KLF17: variants seen among roughly 807,000 people sequenced by gnomAD.
KLF17 encodes KLF transcription factor 17, also known as Krueppel-like factor 17.
A neutral mutation model predicts 34.2 loss-of-function variants in KLF17; 31 were observed. That is an observed-to-expected ratio of 0.91 (90% confidence interval 0.68 to 1.22). KLF17 has a LOEUF of 1.22. Among genes scored for constraint, KLF17 ranks in the 50% most tolerant of loss-of-function variants. KLF17 has a pLI of 0.00. For synonymous variants in KLF17, 179 were observed against 186.7 expected (o/e 0.96, Z 0.34); for missense variants, 478 against 505.2 (o/e 0.95, Z 0.52).
chr1:44,084,266 C>T, the KLF17 span, among the ~76,000 whole-genome samples: 1 of 152,118 alleles, frequency 6.6e-6, no homozygotes, highest in Non-Finnish European at 1.5e-5. Flanking sequence ...GTGGTGTGAG[C>T]AGTGATGGGA....
intron 3 of KLF17, among the ~76,000 whole-genome samples, chr1:44,131,547 C>T (rs1210581421): frequency 2.6e-5 from 4 of 152,198 alleles, no homozygotes; most frequent in Non-Finnish European, 4.4e-5. Context: ...AGACGTGGCA[C>T]ATATACTGCA....
At chr1:44,085,095 T>C in the KLF17 span, among the ~76,000 whole-genome samples, 1 of 151,276 alleles carries the variant, frequency 6.6e-6, no homozygotes, top group Non-Finnish European at 1.5e-5. Flanking sequence ...TATATATATG[T>C]ATATATATAT....
At chr1:44,048,265 C>T in the KLF17 span, 2 of 152,208 alleles carry the variant, frequency 1.3e-5, no homozygotes, top group African/African-American at 4.8e-5. Flanking sequence ...GCCAGTAACT[C>T]TCCCAACAGA....
At chr1:44,082,236 T>C in the KLF17 span, among the ~76,000 whole-genome samples, 16 of 152,188 alleles carry the variant, frequency 1.1e-4, no homozygotes, top group Admixed American at 1.0e-3. Flanking sequence ...TCTAATTGGG[T>C]AATTGAGCAA....
chr1:44,085,795 ACT>A, the KLF17 span, among the ~76,000 whole-genome samples: 17 of 110,982 alleles, frequency 1.5e-4, no homozygotes, highest in South Asian at 5.9e-3. Flanking sequence ...TAAAATTGAG[ACT>A]CTGTCTCAAC....
the KLF17 span, among the ~76,000 whole-genome samples, chr1:44,071,073 T>C: frequency 0.13 from 19,696 of 152,148 alleles, 1,469 homozygotes; most frequent in African/African-American, 0.21. Flanking sequence ...GACACCATCA[T>C]GTCCTAACTG....
chr1:44,053,030 G>T, the KLF17 span, among the ~76,000 whole-genome samples: 14 of 151,822 alleles, frequency 9.2e-5, no homozygotes, highest in East Asian at 1.2e-3. Context: ...CTCCCAAGTA[G>T]CTGGGATTAC....
chr1:44,101,401 C>T, the KLF17 span, among the ~76,000 whole-genome samples: 2 of 150,910 alleles, frequency 1.3e-5, no homozygotes, highest in African/African-American at 4.8e-5. Flanking sequence ...TTATGTGTCA[C>T]GTCTTCTTTA....
At chr1:44,060,445 G>T in the KLF17 span, among the ~76,000 whole-genome samples, 1 of 152,176 alleles carries the variant, frequency 6.6e-6, no homozygotes, top group Non-Finnish European at 1.5e-5. Flanking sequence ...TCCAGCCTGG[G>T]TGACAGAGTA....
At chr1:44,056,786 G>T in the KLF17 span, among the ~76,000 whole-genome samples, 2 of 152,108 alleles carry the variant, frequency 1.3e-5, no homozygotes, top group African/African-American at 4.8e-5. Context: ...GGTAGAAGAA[G>T]CCAGTAAGTT....
the KLF17 span, among the ~76,000 whole-genome samples, chr1:44,080,190 G>A: frequency 6.8e-6 from 1 of 147,538 alleles, no homozygotes; most frequent in Non-Finnish European, 1.5e-5. Flanking sequence ...GCCTCCCAAA[G>A]TGCTAAGATT....
the KLF17 span, among the ~76,000 whole-genome samples, chr1:44,082,179 C>T: frequency 6.6e-6 from 1 of 152,110 alleles, no homozygotes; most frequent in African/African-American, 2.4e-5. Context: ...CAAAAGTAAG[C>T]TCATGTACCA....
chr1:44,122,596 T>G, intron 1 of KLF17: 1 of 708,640 alleles, frequency 1.4e-6, no homozygotes, highest in Non-Finnish European at 2.6e-6. Context: ...TGAATGGCCG[T>G]TTTTGGTTTT....
the KLF17 span, among the ~76,000 whole-genome samples, chr1:44,081,358 G>C: frequency 1.3e-5 from 2 of 150,822 alleles, no homozygotes; most frequent in African/African-American, 4.9e-5. Flanking sequence ...AGGTTTAAAC[G>C]AAGCTTAGCT....
At chr1:44,100,052 A>G in the KLF17 span, among the ~76,000 whole-genome samples, 2 of 148,960 alleles carry the variant, frequency 1.3e-5, no homozygotes, top group African/African-American at 5.0e-5. Context: ...CCTGGCCAAC[A>G]TGGTGAAACC....
At chr1:44,099,479 A>T in the KLF17 span, among the ~76,000 whole-genome samples, 1 of 151,512 alleles carries the variant, frequency 6.6e-6, no homozygotes, top group Admixed American at 6.6e-5. Context: ...CAAAATAGAC[A>T]GGAAATAAAT....
At chr1:44,101,869 A>AAAAC in the KLF17 span, among the ~76,000 whole-genome samples, 1 of 151,952 alleles carries the variant, frequency 6.6e-6, no homozygotes, top group East Asian at 1.9e-4. Flanking sequence ...TCTCAAAAAC[A>AAAAC]AAACAAAACA....
the KLF17 span, among the ~76,000 whole-genome samples, chr1:44,073,746 C>T: frequency 2.6e-5 from 4 of 152,122 alleles, no homozygotes; most frequent in East Asian, 5.8e-4. Context: ...ACCTGCCTGG[C>T]TTCCTGTTTC....
At chr1:44,091,227 A>T in the KLF17 span, among the ~76,000 whole-genome samples, 1 of 146,604 alleles carries the variant, frequency 6.8e-6, no homozygotes, top group South Asian at 2.2e-4. Context: ...AAAAAATTTC[A>T]TGAGAAGAGT....
Sources: allele counts gnomAD v4.1 joint callset (sites outside exome capture counted in the v4.1 genomes callset), GRCh38; gene constraint gnomAD v4.1.1; transcripts MANE v1.5; gene names NCBI Gene and HGNC (gene_info 2026-07-23, HGNC 2026-07-21).